MAN1C1: variants seen among roughly 807,000 people sequenced by gnomAD.
MAN1C1 encodes mannosyl-oligosaccharide 1,2-alpha-mannosidase IC.
In MAN1C1, 49 loss-of-function variants were observed where a neutral mutation model predicts 71.5. The observed-to-expected ratio is 0.69, with a 90% CI of 0.54 to 0.87. The LOEUF is 0.87. MAN1C1 is among the 40% of genes least tolerant of loss of function. The probability of loss-of-function intolerance (pLI) is 0.00; values close to 1 mark genes in which losing one functional copy is unlikely to be tolerated. For missense variants in MAN1C1, 743 were observed against 835.0 expected (o/e 0.89, Z 1.36); for synonymous variants, 352 against 343.7 (o/e 1.02, Z -0.27).
chr1:25,717,221 A>C (rs1384276785), intron 2 of MAN1C1, among the ~76,000 whole-genome samples: 2 of 152,114 alleles, frequency 1.3e-5, no homozygotes, highest in African/African-American at 4.8e-5. Flanking sequence ...ACTTTGTAAG[A>C]ATTTGCTGGT....
At chr1:25,637,424 A>G (rs1181243258) in intron 1 of MAN1C1, among the ~76,000 whole-genome samples, 1 of 152,120 alleles carries the variant, frequency 6.6e-6, no homozygotes, top group Admixed American at 6.5e-5. Context: ...CAAAGAACAT[A>G]CTCTAATTTG....
intron 1 of MAN1C1, among the ~76,000 whole-genome samples, chr1:25,637,791 ATG>A (rs1428008305): frequency 6.6e-6 from 1 of 152,056 alleles, no homozygotes; most frequent in Non-Finnish European, 1.5e-5. Context: ...AACATTATAC[ATG>A]TATTTCTTCA....
chr1:25,679,556 G>GT (rs1221985240), intron 1 of MAN1C1, among the ~76,000 whole-genome samples: 3 of 132,170 alleles, frequency 2.3e-5, no homozygotes, highest in Middle Eastern at 7.5e-3. Flanking sequence ...TCCTAAATGA[G>GT]TTAAAAAAAA....
intron 1 of MAN1C1, among the ~76,000 whole-genome samples, chr1:25,651,717 A>G (rs552587619): frequency 6.6e-6 from 1 of 152,334 alleles, no homozygotes; most frequent in South Asian, 2.1e-4. Flanking sequence ...CAAAGGTGTT[A>G]TAATCCCCAC....
chr1:25,742,616 C>T (rs1275933762), intron 2 of MAN1C1, among the ~76,000 whole-genome samples: 1 of 152,218 alleles, frequency 6.6e-6, no homozygotes, highest in African/African-American at 2.4e-5. Context: ...ATCATGCCAG[C>T]CCTTGTCCAT....
In MAN1C1 at chr1:25,764,255, T is replaced by C. The variant is rs1442768325; in HGVS notation, c.1141+288T>C. ...TCTGGCCCCATCAATGGCGCAGCCT[T>C]CCATCTCTTATGCTGCTGCGGGAGC... On this transcript the variant is annotated intron_variant, in intron 7 of 11. Coordinates refer to ENST00000374332, the MANE Select transcript of MAN1C1 (RefSeq NM_020379.4). The surrounding 1 kb of genome is among the most constrained non-coding windows in gnomAD (Gnocchi z 4.4). Among the ~76,000 whole-genome samples the C allele has an allele frequency of 6.6e-6, 1 of 152,124 alleles. No individual in the cohort carries two copies. Among genetic ancestry groups the C allele is most frequent in the Non-Finnish European group, 1.5e-5 (1 of 68,026 alleles).
chr1:25,724,177 C>T (rs780747809), intron 2 of MAN1C1, among the ~76,000 whole-genome samples: 12 of 152,046 alleles, frequency 7.9e-5, no homozygotes, highest in Non-Finnish European at 1.6e-4. Context: ...TACAGGTGCA[C>T]GCCACCACGC....
intron 1 of MAN1C1, among the ~76,000 whole-genome samples, chr1:25,685,347 C>T (rs796242097): frequency 3.9e-5 from 6 of 152,258 alleles, no homozygotes; most frequent in African/African-American, 1.4e-4. Flanking sequence ...GCTGCCTCCC[C>T]ATCCACCTGC....
chr1:25,627,741 C>G (rs2045319428), intron 1 of MAN1C1, among the ~76,000 whole-genome samples: 1 of 151,926 alleles, frequency 6.6e-6, no homozygotes, highest in Non-Finnish European at 1.5e-5. Flanking sequence ...CATGAAAAAT[C>G]TTGCTGGGAG....
Position 25,763,907 on chromosome 1 carries a change from G to A in MAN1C1, c.1081G>A (p.Glu361Lys), listed in dbSNP as rs1222271712. 14 of 1,613,812 alleles carry A rather than the reference G, an allele frequency of 8.7e-6. No homozygotes were observed. Among genetic ancestry groups the A allele is most frequent in the South Asian group, 6.6e-5 (6 of 91,086 alleles). ...RNIRKVLRKIEKPFGLYPNFL... is the reference protein window; with the variant it reads ...RNIRKVLRKIKKPFGLYPNFL... ...CATCCGCAAGGTCCTCAGGAAGATC[G>A]AAAAGCCCTTTGGCCTCTACCCCAA... The change falls in exon 7 of 12, where the codon GAA becomes AAA. Residue 361 changes from glutamate (E) to lysine (K), a missense_variant. Transcript: ENST00000374332.
intron 2 of MAN1C1, among the ~76,000 whole-genome samples, chr1:25,697,507 C>T (rs547345549): frequency 4.6e-5 from 7 of 152,186 alleles, no homozygotes; most frequent in Admixed American, 1.3e-4. Flanking sequence ...AATGCTGATA[C>T]GAACATTCAT....
At chr1:25,666,857 G>T (rs1185748257) in intron 1 of MAN1C1, among the ~76,000 whole-genome samples, 1 of 152,230 alleles carries the variant, frequency 6.6e-6, no homozygotes, top group African/African-American at 2.4e-5. Context: ...AAAAGCAAGT[G>T]CAGGGAAGAG....
rs929682406 is a variant in MAN1C1, at chr1:25,784,385, T to C, written c.*596T>C. 2 of 152,254 alleles carry C rather than the reference T, an allele frequency of 1.3e-5. No homozygotes were observed. The highest frequency in any genetic ancestry group is 1.3e-4 in the Admixed American group (2 of 15,284). The allele number at this position is 152,254 out of a possible 1,614,324, so 9.4% of individuals were successfully genotyped here. ...CCTCAGTGTTACAAATTACTAGTGC[T>C]ATTTTCATTATTATTGTAATGGAAA... is the stretch of plus-strand genomic sequence containing the variant. On this transcript the variant is annotated 3_prime_UTR_variant, in exon 12 of 12. Transcript: ENST00000374332.
intron 2 of MAN1C1, among the ~76,000 whole-genome samples, chr1:25,719,398 TA>T (rs2046730524): frequency 8.6e-5 from 4 of 46,488 alleles, no homozygotes; most frequent in Non-Finnish European, 1.4e-4. Flanking sequence ...TTTTATCTTT[TA>T]TTTATTTATT....
At chr1:25,689,208 C>T (rs1014712538) in intron 2 of MAN1C1, among the ~76,000 whole-genome samples, 9 of 152,224 alleles carry the variant, frequency 5.9e-5, no homozygotes, top group African/African-American at 2.2e-4. Context: ...CACTGGCAAC[C>T]CTTCCTGGAG....
intron 1 of MAN1C1, chr1:25,654,304 T>C (rs1042489256): frequency 6.6e-6 from 1 of 152,270 alleles, no homozygotes; most frequent in Non-Finnish European, 1.5e-5. Context: ...GTCTTGTGTA[T>C]GTGGTCCTAG....
chr1:25,761,888 G>A (rs1421657191), intron 6 of MAN1C1, among the ~76,000 whole-genome samples: 1 of 151,938 alleles, frequency 6.6e-6, no homozygotes, highest in East Asian at 1.9e-4. Flanking sequence ...CTCCCAAAGT[G>A]CTGGGACTAC....
intron 2 of MAN1C1, among the ~76,000 whole-genome samples, chr1:25,712,633 A>G (rs1315158617): frequency 2.0e-5 from 3 of 152,158 alleles, no homozygotes; most frequent in Non-Finnish European, 4.4e-5. Context: ...GCCACCTACA[A>G]TCCAAGGCAT....
rs963979929 is a variant in MAN1C1, at chr1:25,779,584, G to C, written c.1477+1260G>C. 2.6e-5 allele frequency among the ~76,000 whole-genome samples: 4 copies of C among 152,206 alleles called. No homozygotes were observed. The highest frequency in any genetic ancestry group is 9.7e-5 in the African/African-American group (4 of 41,450). On this transcript the variant is annotated intron_variant, in intron 9 of 11. Transcript: ENST00000374332. The surrounding 1 kb of genome is among the most constrained non-coding windows in gnomAD (Gnocchi z 4.6). ...CTATTTGTCTGAGACAATCAGCCCAGACCATAAAAGACAGCCGCTTAATAA... is the reference window on the plus strand; with the variant it reads ...CTATTTGTCTGAGACAATCAGCCCACACCATAAAAGACAGCCGCTTAATAA...
Sources: gnomAD v4.1 joint callset for allele counts (sites outside exome capture counted in the v4.1 genomes callset) on GRCh38, gnomAD v4.1.1 for gene constraint, Gnocchi (gnomAD v3.1) non-coding constraint, MANE v1.5 for transcripts, NCBI Gene and HGNC (gene_info 2026-07-23, HGNC 2026-07-21) for gene names.